Variants in AGBL4 observed in about 807,000 individuals in gnomAD.
AGBL4 encodes cytosolic carboxypeptidase 6.
A neutral mutation model predicts 66.4 loss-of-function variants in AGBL4; 58 were observed. The observed-to-expected ratio is 0.87, with a 90% CI of 0.71 to 1.09. The LOEUF is 1.09. Among genes scored for constraint, AGBL4 ranks in the 50% least tolerant of loss-of-function variants. The pLI is 0.00. For missense variants in AGBL4, 579 were observed against 631.0 expected (o/e 0.92, Z 0.88); for synonymous variants, 234 against 222.9 (o/e 1.05, Z -0.44).
At chr1:49,465,394 G>C (rs1467007713) in intron 3 of AGBL4, among the ~76,000 whole-genome samples, 1 of 151,606 alleles carries the variant, frequency 6.6e-6, no homozygotes, top group Non-Finnish European at 1.5e-5. Context: ...TTGTAAAACT[G>C]TCAGAATAAG....
At chr1:49,873,115 C>T (rs764572852) in intron 1 of AGBL4, among the ~76,000 whole-genome samples, 9 of 151,958 alleles carry the variant, frequency 5.9e-5, no homozygotes, top group Non-Finnish European at 4.4e-5. Context: ...CTTTGACTTT[C>T]ATACCTGCCT....
At position 48,837,295 on chromosome 1, in the gene AGBL4, C is replaced by T. The variant is rs1378544813; in HGVS notation, c.634+29896G>A. Reference sequence around the variant, plus strand: ...AATGGAGACCACTGTGATTGCAGCACAGTGAGTGTGATGGTTAATACTGAG... The same window carrying T: ...AATGGAGACCACTGTGATTGCAGCATAGTGAGTGTGATGGTTAATACTGAG... On this transcript the variant is annotated intron_variant, in intron 6 of 13. Transcript: ENST00000371839. Among the ~76,000 whole-genome samples, 5 of 151,934 alleles carry T rather than the reference C, an allele frequency of 3.3e-5. No homozygotes were observed. In the East Asian group the frequency reaches 9.7e-4, roughly 29 times the overall value.
rs559652550 is a variant in AGBL4, at chr1:48,637,690, T to C, written c.840-3086A>G. Among the ~76,000 whole-genome samples the C allele has an allele frequency of 4.6e-5, 7 of 152,332 alleles. No homozygotes were observed. The South Asian group carries it at 1.5e-3, about 32-fold the overall frequency. ...TGGCCCTTCAGAGCTGCTCGGTTAA[T>C]TGCTCTGGTTTTCAAGTCTGGCTAC... On this transcript the variant is annotated intron_variant, in intron 8 of 13. Coordinates refer to ENST00000371839, the MANE Select transcript of AGBL4 (RefSeq NM_032785.4).
intron 5 of AGBL4, among the ~76,000 whole-genome samples, chr1:49,002,516 T>C (rs2148992654): frequency 6.6e-6 from 1 of 152,320 alleles, no homozygotes; most frequent in East Asian, 1.9e-4. Context: ...AAAAGAACAA[T>C]TTCTCTTTAC....
intron 9 of AGBL4, among the ~76,000 whole-genome samples, chr1:48,611,589 T>C (rs1177383420): frequency 2.0e-5 from 3 of 152,240 alleles, no homozygotes; most frequent in East Asian, 1.9e-4. Context: ...ATTCTTACCA[T>C]AGAATGAGAA....
chr1:49,746,133 C>T (rs976368625), intron 2 of AGBL4, among the ~76,000 whole-genome samples: 3 of 151,936 alleles, frequency 2.0e-5, no homozygotes, highest in Non-Finnish European at 2.9e-5. Context: ...GCCTCAGCGT[C>T]TCTGCTTGTA....
At chr1:49,883,015 T>G (rs1043469267) in intron 1 of AGBL4, among the ~76,000 whole-genome samples, 1 of 152,112 alleles carries the variant, frequency 6.6e-6, no homozygotes, top group African/African-American at 2.4e-5. Flanking sequence ...TGCAAAAAAT[T>G]TAACATGGCT....
intron 6 of AGBL4, among the ~76,000 whole-genome samples, chr1:48,786,788 G>A (rs2148724600): frequency 6.6e-6 from 1 of 152,118 alleles, no homozygotes; most frequent in Admixed American, 6.5e-5. Context: ...TACTGCCGGG[G>A]AAGAGTGGAG....
intron 5 of AGBL4, among the ~76,000 whole-genome samples, chr1:48,950,820 A>G (rs778033868): frequency 6.2e-4 from 94 of 152,108 alleles, no homozygotes; most frequent in Admixed American, 9.8e-4. Flanking sequence ...TTGCTTTTAT[A>G]TTGCTTTTTC....
intron 1 of AGBL4, among the ~76,000 whole-genome samples, chr1:49,882,758 A>T (rs1647535276): frequency 6.6e-6 from 1 of 152,164 alleles, no homozygotes; most frequent in Non-Finnish European, 1.5e-5. Context: ...GACCTTGCTG[A>T]AGTTGCTTAT....
chr1:48,932,206 T>C (rs1439859616), intron 5 of AGBL4, among the ~76,000 whole-genome samples: 2 of 152,186 alleles, frequency 1.3e-5, no homozygotes, highest in African/African-American at 2.4e-5. Context: ...GTACAGCATG[T>C]CTTCCCTGAA....
chr1:48,964,486 G>A (rs1237397018), intron 5 of AGBL4, among the ~76,000 whole-genome samples: 5 of 152,164 alleles, frequency 3.3e-5, no homozygotes, highest in Non-Finnish European at 7.4e-5. Context: ...GAGATATAAT[G>A]CCAATGATAT....
chr1:48,821,224 C>A (rs72890061), intron 6 of AGBL4, among the ~76,000 whole-genome samples: 1,640 of 152,206 alleles, frequency 0.011, 25 homozygotes, highest in African/African-American at 0.037. Flanking sequence ...ACCATTTGAC[C>A]TAGCAATGTC....
chr1:48,745,180 G>A lies in AGBL4; in HGVS notation c.635-81939C>T, dbSNP rs112971318. 1.3e-3 allele frequency among the ~76,000 whole-genome samples: 197 copies of A among 152,152 alleles called. 2 individuals carry two copies. The highest frequency in any genetic ancestry group is 4.4e-3 in the African/African-American group (181 of 41,418). On this transcript the variant is annotated intron_variant, in intron 6 of 13. Transcript: ENST00000371839. ...AGTAAATTCTTCATGACATGAGAGG[G>A]GAGGAAGAGAGGGACTTTAATGGGC...
intron 3 of AGBL4, among the ~76,000 whole-genome samples, chr1:49,630,779 G>T (rs1293530700): frequency 6.6e-6 from 1 of 152,194 alleles, no homozygotes; most frequent in African/African-American, 2.4e-5. Flanking sequence ...TAGCTCCTTA[G>T]AAGTTTAATG....
At chr1:48,656,945 T>C (rs1030942500) in intron 7 of AGBL4, among the ~76,000 whole-genome samples, 13 of 152,192 alleles carry the variant, frequency 8.5e-5, no homozygotes, top group Non-Finnish European at 5.9e-5. Flanking sequence ...GTAACAAGCC[T>C]GCCCATGTAT....
chr1:49,573,146 CTGTGTGTGTGTG>C (rs57980631), intron 3 of AGBL4, among the ~76,000 whole-genome samples: 29 of 136,676 alleles, frequency 2.1e-4, no homozygotes, highest in East Asian at 8.7e-4. Context: ...GTGTGTGTGT[CTGTGTGTGTGTG>C]TGTGTGTGTG....
intron 9 of AGBL4, among the ~76,000 whole-genome samples, chr1:48,618,650 C>T (rs1283123321): frequency 2.0e-5 from 3 of 152,182 alleles, no homozygotes; most frequent in Admixed American, 2.0e-4. Flanking sequence ...GGGATGTGTA[C>T]ATCCTCAGGC....
chr1:49,132,983 C>G (rs759061576), intron 4 of AGBL4, among the ~76,000 whole-genome samples: 16 of 152,196 alleles, frequency 1.1e-4, no homozygotes, highest in Non-Finnish European at 1.6e-4. Context: ...AGCCTTGGAA[C>G]CAACCCAAAT....
Sources: gnomAD v4.1 joint callset for allele counts (sites outside exome capture counted in the v4.1 genomes callset) on GRCh38, gnomAD v4.1.1 for gene constraint, MANE v1.5 for transcripts, NCBI Gene and HGNC (gene_info 2026-07-23, HGNC 2026-07-21) for gene names.